The following LYRM4 variants were observed in gnomAD, a reference collection of about 807,000 sequenced individuals.
LYRM4 encodes LYR motif-containing protein 4.
In LYRM4, 9 loss-of-function variants were observed where a neutral mutation model predicts 11.7. That is an observed-to-expected ratio of 0.77 (90% CI 0.46 to 1.34). LYRM4 has a LOEUF of 1.34. LYRM4 is among the 40% of genes most tolerant of loss of function. The probability of loss-of-function intolerance (pLI) is 0.00; values close to 1 mark genes in which losing one functional copy is unlikely to be tolerated. For synonymous variants in LYRM4, 42 were observed against 40.4 expected, an observed-to-expected ratio of 1.04 and a Z score of -0.15; for missense variants, 133 against 112.5, an observed-to-expected ratio of 1.18 and a Z score of -0.82.
chr6:5,211,660 C>T (rs1761993038), intron 2 of LYRM4, among the ~76,000 whole-genome samples: 1 of 152,178 alleles, frequency 6.6e-6, no homozygotes, highest in African/African-American at 2.4e-5. Flanking sequence ...AGCTTAAGAA[C>T]AGCTGCTGTG....
At chr6:5,181,613 C>G (rs761361) in intron 2 of LYRM4, among the ~76,000 whole-genome samples, 53,012 of 152,000 alleles carry the variant, frequency 0.35, 10,562 homozygotes, top group African/African-American at 0.56. Context: ...CTCCTGACCA[C>G]GCCCTGGCTC....
intron 2 of LYRM4, among the ~76,000 whole-genome samples, chr6:5,191,098 G>GA (rs954640428): frequency 8.0e-5 from 12 of 150,558 alleles, no homozygotes; most frequent in South Asian, 2.1e-4. Context: ...CACTGTAATA[G>GA]AAAAAAAAAT....
intron 2 of LYRM4, among the ~76,000 whole-genome samples, chr6:5,203,917 A>G (rs1561868643): frequency 6.6e-6 from 1 of 152,204 alleles, no homozygotes; most frequent in Non-Finnish European, 1.5e-5. Flanking sequence ...TAAAAGTAGT[A>G]AGGAAAAAGC....
intron 2 of LYRM4, among the ~76,000 whole-genome samples, chr6:5,151,688 A>C (rs188981814): frequency 6.6e-6 from 1 of 152,310 alleles, no homozygotes; most frequent in Admixed American, 6.5e-5. Flanking sequence ...ATCCTGGCTC[A>C]ATTTACTAGC....
intron 2 of LYRM4, among the ~76,000 whole-genome samples, chr6:5,210,389 G>A (rs974148873): frequency 1.3e-5 from 2 of 151,888 alleles, no homozygotes; most frequent in Non-Finnish European, 2.9e-5. Flanking sequence ...ACTAGTTCAA[G>A]CTTCAAATGA....
intron 2 of LYRM4, chr6:5,113,201 G>A (rs925319661): frequency 2.9e-6 from 1 of 341,912 alleles, no homozygotes; most frequent in South Asian, 2.1e-5. Flanking sequence ...TCGGGAGGTC[G>A]AGACGGGTGG....
chr6:5,171,913 A>G (rs903566734), intron 2 of LYRM4, among the ~76,000 whole-genome samples: 2 of 152,174 alleles, frequency 1.3e-5, no homozygotes, highest in East Asian at 1.9e-4. Context: ...GAGTTCATCA[A>G]TTTCTAGGAC....
the LYRM4 span, among the ~76,000 whole-genome samples, chr6:5,037,746 T>C: frequency 2.1e-5 from 1 of 47,600 alleles, no homozygotes. Context: ...GGCTCCTCAC[T>C]TCCCAGTAGG....
intron 2 of LYRM4, among the ~76,000 whole-genome samples, chr6:5,137,619 C>T (rs759207175): frequency 8.5e-5 from 13 of 152,178 alleles, no homozygotes; most frequent in African/African-American, 2.2e-4. Context: ...CTCTGCTACC[C>T]GGCTAGTGAT....
At chr6:5,136,480 T>G (rs147788738) in intron 2 of LYRM4, 1 of 952,630 alleles carries the variant, frequency 1.0e-6, no homozygotes. Context: ...CTCCGAAACC[T>G]TGGGTTTCAC....
In LYRM4 at chr6:5,260,698, C is replaced by G; in HGVS notation, c.36G>C (p.Leu12=). 1 of 1,554,016 alleles carries G rather than the reference C, an allele frequency of 6.4e-7. No homozygotes were observed. The highest frequency in any genetic ancestry group is 8.7e-7 in the Non-Finnish European group (1 of 1,150,212). ...AASSRAQVLS[L]YRAMLRESKR... ...TGCTCTCTCTCAGCATCGCCCGGTA[C>G]AGAGATAACACTTGTGCGCGACTGG... The change falls in exon 1 of 3, where the codon CTG becomes CTC. Residue 12 remains leucine (L), a synonymous_variant. Coordinates refer to ENST00000330636, the MANE Select transcript of LYRM4 (RefSeq NM_020408.6).
At chr6:5,151,228 T>C (rs12529607) in intron 2 of LYRM4, among the ~76,000 whole-genome samples, 15,341 of 151,858 alleles carry the variant, frequency 0.1, 964 homozygotes, top group South Asian at 0.23. Flanking sequence ...GGACTACAGA[T>C]GCGTGCCACC....
chr6:5,209,302 C>T (rs917523365), intron 2 of LYRM4, among the ~76,000 whole-genome samples: 2 of 151,964 alleles, frequency 1.3e-5, no homozygotes, highest in East Asian at 1.9e-4. Flanking sequence ...TCACCATGTT[C>T]GCCAGGCTGA....
chr6:5,109,397 G>A lies in LYRM4; in HGVS notation c.*26C>T, dbSNP rs773500128. The A allele has an allele frequency of 3.0e-5, 49 of 1,613,436 alleles. No individual in the cohort carries two copies. The South Asian group carries it at 3.4e-4, about 11-fold the overall frequency. On this transcript the variant is annotated 3_prime_UTR_variant, in exon 3 of 3. Transcript: ENST00000330636. ...TGGATGCTGAAGGTGGTCCCTGGCCGCCACTGGTGGCTGGTCCCCGGCTTG... is the reference window on the plus strand; with the variant it reads ...TGGATGCTGAAGGTGGTCCCTGGCCACCACTGGTGGCTGGTCCCCGGCTTG...
At chr6:5,200,307 A>T (rs1330135525) in intron 2 of LYRM4, among the ~76,000 whole-genome samples, 1 of 151,556 alleles carries the variant, frequency 6.6e-6, no homozygotes, top group Non-Finnish European at 1.5e-5. Flanking sequence ...TGAGGACTCC[A>T]CTCTCGAGGA....
the LYRM4 span, among the ~76,000 whole-genome samples, chr6:5,081,439 T>A: frequency 6.6e-6 from 1 of 152,188 alleles, no homozygotes; most frequent in African/African-American, 2.4e-5. Context: ...CCGTTTCTGC[T>A]TCTGAAGTCC....
the LYRM4 span, among the ~76,000 whole-genome samples, chr6:5,083,774 C>G: frequency 2.8e-4 from 43 of 152,242 alleles, no homozygotes; most frequent in African/African-American, 9.9e-4. Flanking sequence ...CCTTTCAGTT[C>G]TGCCAAACCA....
chr6:5,040,689 T>G, the LYRM4 span, among the ~76,000 whole-genome samples: 1 of 152,178 alleles, frequency 6.6e-6, no homozygotes, highest in Admixed American at 6.5e-5. Context: ...ATGTTTAAGG[T>G]GAGGATATCC....
chr6:5,214,285 G>A (rs1166132834), intron 2 of LYRM4, among the ~76,000 whole-genome samples: 1 of 152,190 alleles, frequency 6.6e-6, no homozygotes, highest in East Asian at 1.9e-4. Flanking sequence ...TCTGAGCACA[G>A]GCCTGGGTGG....
Sources: gnomAD v4.1 joint callset for allele counts (sites outside exome capture counted in the v4.1 genomes callset) on GRCh38, gnomAD v4.1.1 for gene constraint, MANE v1.5 for transcripts, NCBI Gene and HGNC (gene_info 2026-07-23, HGNC 2026-07-21) for gene names.